Variants in KCNH7 observed in about 807,000 individuals in gnomAD.
The protein encoded by KCNH7 is potassium voltage-gated channel subfamily H member 7, also known as voltage-gated inwardly rectifying potassium channel KCNH7.
Under a neutral mutation model 120.8 loss-of-function variants are expected in KCNH7, and 49 were observed. The observed-to-expected ratio is 0.41, with a 90% CI of 0.32 to 0.51. KCNH7 has a LOEUF of 0.51. Ranked by LOEUF, KCNH7 falls within the 20% of genes least tolerant of loss-of-function variation. KCNH7 has a pLI of 0.38. For missense variants in KCNH7, 1,097 were observed against 1,446.6 expected (o/e 0.76, Z 3.92); for synonymous variants, 547 against 516.1 (o/e 1.06, Z -0.81).
chr2:162,722,631 T>C (rs1289957858), intron 2 of KCNH7, among the ~76,000 whole-genome samples: 1 of 152,102 alleles, frequency 6.6e-6, no homozygotes, highest in Admixed American at 6.6e-5. Context: ...GATGTGAATA[T>C]CTATTTCCTT....
intron 2 of KCNH7, among the ~76,000 whole-genome samples, chr2:162,614,755 G>C (rs112670507): frequency 0.013 from 1,994 of 148,932 alleles, 54 homozygotes; most frequent in African/African-American, 0.047. Flanking sequence ...AAACATGACA[G>C]GAAGGAAAAG....
intron 13 of KCNH7, among the ~76,000 whole-genome samples, chr2:162,381,954 G>T (rs1004225264): frequency 2.6e-5 from 4 of 152,016 alleles, no homozygotes; most frequent in African/African-American, 7.2e-5. Flanking sequence ...CTATATAAAT[G>T]GTCTGGTGAT....
chr2:162,827,589 T>C (rs1489757645), intron 2 of KCNH7, among the ~76,000 whole-genome samples: 2 of 152,150 alleles, frequency 1.3e-5, no homozygotes, highest in Non-Finnish European at 2.9e-5. Context: ...CTTTATTCAC[T>C]CTTTGATGTG....
chr2:162,613,236 A>G (rs1553502844), intron 2 of KCNH7, among the ~76,000 whole-genome samples: 1 of 151,998 alleles, frequency 6.6e-6, no homozygotes, highest in Non-Finnish European at 1.5e-5. Context: ...GCCTGAAAGA[A>G]AGGTAGATTT....
chr2:162,575,262 G>C (rs189814459), intron 2 of KCNH7, among the ~76,000 whole-genome samples: 1 of 152,052 alleles, frequency 6.6e-6, no homozygotes, highest in Non-Finnish European at 1.5e-5. Flanking sequence ...AGATCAAGTA[G>C]AATAATTGGC....
chr2:162,725,586 G>A (rs539843469), intron 2 of KCNH7, among the ~76,000 whole-genome samples: 6 of 152,232 alleles, frequency 3.9e-5, no homozygotes, highest in Non-Finnish European at 8.8e-5. Flanking sequence ...AATAATAGAA[G>A]CACTGGGAAG....
At chr2:162,438,175 A>G (rs1688312515) in intron 7 of KCNH7, among the ~76,000 whole-genome samples, 2 of 152,202 alleles carry the variant, frequency 1.3e-5, no homozygotes, top group South Asian at 4.1e-4. Context: ...TTTAAAATAA[A>G]TGAGCTGTTT....
chr2:162,398,646 C>T (rs899371023), intron 10 of KCNH7, among the ~76,000 whole-genome samples: 2 of 151,858 alleles, frequency 1.3e-5, no homozygotes, highest in Non-Finnish European at 2.9e-5. Flanking sequence ...AGGAGCAAGC[C>T]AGTCCATGGA....
At chr2:162,404,365 T>C (rs1252986360) in intron 9 of KCNH7, among the ~76,000 whole-genome samples, 3 of 151,954 alleles carry the variant, frequency 2.0e-5, no homozygotes, top group Admixed American at 2.0e-4. Flanking sequence ...GTTATCATTC[T>C]TTTAGCAAAT....
intron 2 of KCNH7, among the ~76,000 whole-genome samples, chr2:162,569,481 C>T (rs1278895326): frequency 5.5e-5 from 8 of 145,496 alleles, no homozygotes; most frequent in African/African-American, 1.5e-4. Flanking sequence ...AAAAAACCAG[C>T]TCCTGGATTC....
At chr2:162,705,200 C>T (rs1366345519) in intron 2 of KCNH7, among the ~76,000 whole-genome samples, 1 of 151,972 alleles carries the variant, frequency 6.6e-6, no homozygotes, top group Non-Finnish European at 1.5e-5. Context: ...ACCTGTAGAC[C>T]ACATTGCATA....
chr2:162,661,629 G>C (rs1684961724), intron 2 of KCNH7, among the ~76,000 whole-genome samples: 1 of 152,130 alleles, frequency 6.6e-6, no homozygotes, highest in Non-Finnish European at 1.5e-5. Context: ...CTCAATGTCT[G>C]TGGTATAGAC....
At chr2:162,836,264 A>G (rs534544235) in intron 2 of KCNH7, among the ~76,000 whole-genome samples, 1 of 152,184 alleles carries the variant, frequency 6.6e-6, no homozygotes. Context: ...TCCTTAAAGA[A>G]AGGAGCATCT....
Position 162,833,512 on chromosome 2 carries a change from T to A in KCNH7, c.307+3025A>T, listed in dbSNP as rs552615590. Among the ~76,000 whole-genome samples, 9 of 152,282 alleles carry A rather than the reference T, an allele frequency of 5.9e-5. No individual in the cohort carries two copies. The East Asian group carries it at 1.7e-3, about 29-fold the overall frequency. On this transcript the variant is annotated intron_variant, in intron 2 of 15. Transcript: ENST00000332142. ...TTTACAGCTTTATCACCTCAAGCAA[T>A]ACTTCACAGCTGCCAAGGATGATTT... is the stretch of plus-strand genomic sequence containing the variant.
intron 2 of KCNH7, among the ~76,000 whole-genome samples, chr2:162,679,697 C>T (rs569009599): frequency 2.6e-5 from 4 of 151,520 alleles, no homozygotes; most frequent in Admixed American, 1.3e-4. Context: ...ATGAAAAATG[C>T]TTTACAGTGT....
intron 2 of KCNH7, among the ~76,000 whole-genome samples, chr2:162,605,710 G>T (rs775916354): frequency 6.6e-6 from 1 of 152,040 alleles, no homozygotes; most frequent in Non-Finnish European, 1.5e-5. Flanking sequence ...CTATCATTTC[G>T]CTGATGGAAA....
intron 9 of KCNH7, among the ~76,000 whole-genome samples, chr2:162,405,994 C>A (rs935960173): frequency 2.0e-5 from 3 of 151,964 alleles, no homozygotes; most frequent in African/African-American, 7.2e-5. Context: ...TATTCATCTA[C>A]TTAATCAAAT....
Position 162,400,209 on chromosome 2 carries a change from T to C in KCNH7, c.2387A>G (p.Asp796Gly). Residue 796 changes from aspartate (D) to glycine (G), a missense_variant, in exon 10 of 16, where the codon GAC becomes GGC. Physicochemically the swap from Asp to Gly is moderately conservative, Grantham distance 94 (BLOSUM62 -1). Coordinates refer to ENST00000332142, the MANE Select transcript of KCNH7 (RefSeq NM_033272.4). ...SRGSIEILKDDIVVAILGKND... is the reference protein window; with the variant it reads ...SRGSIEILKDGIVVAILGKND... Reference sequence around the variant, plus strand: ...CTCACCCAGAATAGCCACCACAATGTCATCTTTGAGAATTTCAATGGAGCC... The same window carrying C: ...CTCACCCAGAATAGCCACCACAATGCCATCTTTGAGAATTTCAATGGAGCC... 1 of 1,612,008 alleles carries C rather than the reference T, an allele frequency of 6.2e-7. No homozygotes were observed.
intron 2 of KCNH7, among the ~76,000 whole-genome samples, chr2:162,698,835 C>T (rs939870712): frequency 6.6e-6 from 1 of 152,042 alleles, no homozygotes; most frequent in African/African-American, 2.4e-5. Flanking sequence ...TAATTACTCT[C>T]ATTTACCTGT....
Sources: allele counts gnomAD v4.1 joint callset (sites outside exome capture counted in the v4.1 genomes callset), GRCh38; gene constraint gnomAD v4.1.1; transcripts MANE v1.5; gene names NCBI Gene and HGNC (gene_info 2026-07-23, HGNC 2026-07-21).